The following P4HA3 variants were observed in gnomAD, a reference collection of about 807,000 sequenced individuals.
The protein encoded by P4HA3 is prolyl 4-hydroxylase subunit alpha-3.
In P4HA3, 60 loss-of-function variants were observed where a neutral mutation model predicts 66.7. That is an observed-to-expected ratio of 0.90 (90% CI 0.73 to 1.12). The LOEUF (loss-of-function observed/expected upper bound fraction) is 1.12. Ranked by LOEUF, P4HA3 falls within the 50% of genes most tolerant of loss-of-function variation. P4HA3 has a pLI of 0.00. For missense variants in P4HA3, 683 were observed against 685.8 expected, an observed-to-expected ratio of 1.00 and a Z score of 0.05; for synonymous variants, 263 against 274.6, an observed-to-expected ratio of 0.96 and a Z score of 0.42.
At chr11:74,252,251 G>GTTT (rs1249533305) in intron 15 of P4HA3, among the ~76,000 whole-genome samples, 9 of 118,458 alleles carry the variant, frequency 7.6e-5, no homozygotes, top group African/African-American at 2.8e-4. Flanking sequence ...TTTTTTTTTT[G>GTTT]TTTTTTTTTT....
chr11:74,269,154 A>T (rs746672201), intron 11 of P4HA3, among the ~76,000 whole-genome samples: 1 of 151,586 alleles, frequency 6.6e-6, no homozygotes, highest in African/African-American at 2.4e-5. Flanking sequence ...GGAAATACTC[A>T]TTCATGAAGC....
At chr11:74,285,531 T>G (rs559131663) in intron 7 of P4HA3, 1 of 316,120 alleles carries the variant, frequency 3.2e-6, no homozygotes, top group South Asian at 5.8e-5. Context: ...GACAAATGCA[T>G]ACAGCCACAT....
At chr11:74,269,486 C>A (rs116408174) in intron 11 of P4HA3, among the ~76,000 whole-genome samples, 166 bp downstream of exon 11, 1,739 of 152,232 alleles carry the variant, frequency 0.011, 32 homozygotes, top group African/African-American at 0.04. Context: ...AGCATGTGTG[C>A]GGTAGTAAAG....
At chr11:74,276,566 A>G (rs1379247950) in intron 9 of P4HA3, among the ~76,000 whole-genome samples, 2 of 152,160 alleles carry the variant, frequency 1.3e-5, no homozygotes, top group Non-Finnish European at 2.9e-5. Flanking sequence ...GAAAAAAATA[A>G]ATACATAAAT....
rs1294053537 is a variant in P4HA3, at chr11:74,286,219, G to C, written c.933+9C>G. On this transcript the variant is annotated intron_variant, in intron 6 of 12. Transcript: ENST00000331597. ...CTCTCCCCCTTTCTCTTTCCCTGAG[G>C]AATCCTACCTGGGAACCCAGGGTCT... The C allele has an allele frequency of 6.2e-7, 1 of 1,610,436 alleles. No individual in the cohort carries two copies. Among genetic ancestry groups the C allele is most frequent in the South Asian group, 1.1e-5 (1 of 90,558 alleles).
intron 1 of P4HA3, among the ~76,000 whole-genome samples, chr11:74,305,299 C>G (rs972021542): frequency 2.0e-5 from 3 of 152,094 alleles, no homozygotes; most frequent in African/African-American, 7.2e-5. Context: ...TGTTAAAATA[C>G]TGAAAGCTAT....
intron 14 of P4HA3, among the ~76,000 whole-genome samples, chr11:74,261,316 G>C (rs1401149720): frequency 6.6e-6 from 1 of 152,110 alleles, no homozygotes; most frequent in Non-Finnish European, 1.5e-5. Context: ...TGCAAAAAAG[G>C]TTAAAGCAAA....
At chr11:74,251,837 C>G (rs768209973) in intron 15 of P4HA3, 4 of 1,216,940 alleles carry the variant, frequency 3.3e-6, no homozygotes, top group Non-Finnish European at 4.9e-6. Context: ...TGCCTTTCTT[C>G]CTCCTCCTCA....
rs189797602 is a variant in P4HA3 at position 74,298,083 on chromosome 11, C to T, written c.717+129G>A. The T allele has an allele frequency of 7.0e-5, 79 of 1,127,040 alleles. No homozygotes were observed. The African/African-American group carries it at 1.2e-3, about 17-fold the overall frequency. The allele number at this position is 1,127,040 out of a possible 1,614,324, so 69.8% of individuals were successfully genotyped here. A position where few individuals can be genotyped will look rare whatever the true frequency, so the allele number is the denominator to read the frequency against. ...TGGAAATGATAAAATAACTTCCCTGCTTGGCTCAGTTTGGTCCTATTGGGA... is the reference window on the plus strand; with the variant it reads ...TGGAAATGATAAAATAACTTCCCTGTTTGGCTCAGTTTGGTCCTATTGGGA... On this transcript the variant is annotated intron_variant, in intron 4 of 12. Coordinates refer to ENST00000331597, the MANE Select transcript of P4HA3 (RefSeq NM_182904.5).
At chr11:74,279,144 T>G (rs1305674227) in intron 8 of P4HA3, among the ~76,000 whole-genome samples, 1 of 152,160 alleles carries the variant, frequency 6.6e-6, no homozygotes, top group African/African-American at 2.4e-5. Flanking sequence ...TATTTTTTGG[T>G]TTAGGGCAGA....
At chr11:74,304,454 C>T (rs1460463568) in intron 1 of P4HA3, 42 bp from the exon 2 acceptor site, 8 of 1,607,188 alleles carry the variant, frequency 5.0e-6, no homozygotes, top group East Asian at 2.2e-5. Flanking sequence ...CTGATACAAC[C>T]ACTACACCTA....
At chr11:74,267,418 C>T in intron 12 of P4HA3, 100 bp from the exon 13 acceptor site, 3 of 1,424,504 alleles carry the variant, frequency 2.1e-6, no homozygotes, top group South Asian at 2.8e-5. Context: ...TGAGTGCCCC[C>T]TTAAATTCTG....
At chr11:74,300,390 G>A (rs548537591) in intron 3 of P4HA3, among the ~76,000 whole-genome samples, 1 of 152,300 alleles carries the variant, frequency 6.6e-6, no homozygotes, top group African/African-American at 2.4e-5. Context: ...CAGCACTTTG[G>A]GAGGCTGAGG....
At chr11:74,264,386 G>A (rs994474264), downstream of P4HA3, among the ~76,000 whole-genome samples, 15 of 152,140 alleles carry the variant, frequency 9.9e-5, no homozygotes, top group African/African-American at 3.4e-4. Flanking sequence ...GCAAAGCCTG[G>A]TCTCTCCTTC....
At position 74,270,126 on chromosome 11, in the gene P4HA3, TA is replaced by T. The variant is rs1860143903; in HGVS notation, c.1399-407del. 7.2e-5 allele frequency among the ~76,000 whole-genome samples: 11 copies of T among 152,302 alleles called. No individual in the cohort carries two copies. In the South Asian group the frequency reaches 2.3e-3, roughly 32 times the overall value. ...AAATATAATTGTCATAAAACATTCT[TA>T]ATATCTGAGATAGCTTCTGATCTTC... On this transcript the variant is annotated intron_variant, in intron 10 of 12. Coordinates refer to ENST00000331597, the MANE Select transcript of P4HA3 (RefSeq NM_182904.5).
In P4HA3 at chr11:74,273,585, C is replaced by T; in HGVS notation, c.1358G>A (p.Arg453Lys). The T allele has an allele frequency of 6.4e-7, 1 of 1,565,966 alleles. No homozygotes were observed. ...HATSPSSPLY[R>K]MKSGNRVATF... ...TGCAACTCGGTTTCCTGACTTCATT[C>T]TGTAGAGGGGGCTGCTTGGTGACTG... The change falls in exon 10 of 13, where the codon AGA (arginine) becomes AAA (lysine). Residue 453 changes from arginine to lysine, a missense_variant. Coordinates refer to ENST00000331597, the MANE Select transcript of P4HA3 (RefSeq NM_182904.5).
At chr11:74,304,887 G>GT (rs2134827544) in intron 1 of P4HA3, among the ~76,000 whole-genome samples, 1 of 152,288 alleles carries the variant, frequency 6.6e-6, no homozygotes, top group Admixed American at 6.5e-5. Flanking sequence ...GGACCGGGGG[G>GT]TTGGGGGATG....
chr11:74,281,374 G>C (rs1229016405), intron 7 of P4HA3, among the ~76,000 whole-genome samples: 3 of 152,118 alleles, frequency 2.0e-5, no homozygotes, highest in Admixed American at 1.3e-4. Flanking sequence ...CCATTACTGG[G>C]TATATACCCA....
At position 74,280,998 on chromosome 11, in the gene P4HA3, C is replaced by T. The variant is rs527967005; in HGVS notation, c.1111-1546G>A. Reference sequence around the variant, plus strand: ...ACTCATCTGACAAAGGGCTAATATCCAGAATCTACAATGAACTCAAACAAA... The same window carrying T: ...ACTCATCTGACAAAGGGCTAATATCTAGAATCTACAATGAACTCAAACAAA... On this transcript the variant is annotated intron_variant, in intron 7 of 12. Coordinates refer to ENST00000331597, the MANE Select transcript of P4HA3 (RefSeq NM_182904.5). Among the ~76,000 whole-genome samples the T allele has an allele frequency of 5.0e-3, 764 of 152,108 alleles. 8 individuals carry two copies. The highest frequency in any genetic ancestry group is 0.018 in the African/African-American group (739 of 41,496).
Sources: gnomAD v4.1 joint callset for allele counts (sites outside exome capture counted in the v4.1 genomes callset) on GRCh38, gnomAD v4.1.1 for gene constraint, MANE v1.5 for transcripts, NCBI Gene and HGNC (gene_info 2026-07-23, HGNC 2026-07-21) for gene names.